The following FAF1 variants were observed in gnomAD, a reference collection of about 807,000 sequenced individuals.
The protein encoded by FAF1 is FAS-associated factor 1.
FAF1 carries 25 observed loss-of-function variants against 92.5 expected under a neutral mutation model. That is an observed-to-expected ratio of 0.27 (90% CI 0.20 to 0.38). The LOEUF (loss-of-function observed/expected upper bound fraction) is 0.38, where lower values mean the gene tolerates loss of function less well. Ranked by LOEUF, FAF1 falls within the 10% of genes least tolerant of loss-of-function variation. The probability of loss-of-function intolerance (pLI) is 1.00; values close to 1 mark genes in which losing one functional copy is unlikely to be tolerated. For missense variants in FAF1, 636 were observed against 793.3 expected (o/e 0.80, Z 2.38); for synonymous variants, 234 against 273.2 (o/e 0.86, Z 1.42).
At chr1:50,503,665 A>ATGG (rs1339992608) in intron 15 of FAF1, among the ~76,000 whole-genome samples, 2 of 152,016 alleles carry the variant, frequency 1.3e-5, no homozygotes, top group Non-Finnish European at 2.9e-5. Flanking sequence ...AAAAAGTAAC[A>ATGG]TGGTGGTATA....
intron 13 of FAF1, among the ~76,000 whole-genome samples, chr1:50,551,780 G>A (rs1418700278): frequency 2.0e-5 from 3 of 152,164 alleles, no homozygotes; most frequent in African/African-American, 7.2e-5. Context: ...TTTGTCATCA[G>A]GAAATTCAAT....
chr1:50,762,068 A>C (rs1030572641), intron 4 of FAF1, among the ~76,000 whole-genome samples: 1 of 152,216 alleles, frequency 6.6e-6, no homozygotes, highest in Non-Finnish European at 1.5e-5. Context: ...GAGCCAAATC[A>C]TGAGTGAACT....
At chr1:50,922,696 T>C (rs1644974522) in intron 1 of FAF1, among the ~76,000 whole-genome samples, 1 of 149,254 alleles carries the variant, frequency 6.7e-6, no homozygotes, top group Non-Finnish European at 1.5e-5. Flanking sequence ...TGCATACCTA[T>C]AATCCCAGCT....
intron 7 of FAF1, among the ~76,000 whole-genome samples, chr1:50,671,075 T>A: frequency 6.6e-6 from 1 of 152,172 alleles, no homozygotes. Flanking sequence ...GCTATATTTA[T>A]AATCATCAAA....
intron 6 of FAF1, among the ~76,000 whole-genome samples, chr1:50,713,088 A>AG (rs1221106492): frequency 1.4e-5 from 2 of 143,570 alleles, no homozygotes; most frequent in Non-Finnish European, 3.0e-5. Context: ...TGAGGATAGA[A>AG]GGGGGAGGTT....
At chr1:50,711,461 G>T (rs150030844) in intron 6 of FAF1, among the ~76,000 whole-genome samples, 1,594 of 133,554 alleles carry the variant, frequency 0.012, 26 homozygotes, top group African/African-American at 0.043. Flanking sequence ...TATCCACACT[G>T]ACTTTTTTTT....
At chr1:50,921,906 C>T (rs902541541) in intron 1 of FAF1, among the ~76,000 whole-genome samples, 1 of 152,182 alleles carries the variant, frequency 6.6e-6, no homozygotes, top group South Asian at 2.1e-4. Context: ...ATGGCTCACA[C>T]CTGTAATCCC....
At chr1:50,800,108 T>C (rs576992668) in intron 3 of FAF1, among the ~76,000 whole-genome samples, 1 of 152,170 alleles carries the variant, frequency 6.6e-6, no homozygotes, top group Non-Finnish European at 1.5e-5. Context: ...CCAAATATTA[T>C]AGTAACTTTA....
chr1:50,459,503 C>G (rs1306633621), intron 18 of FAF1, among the ~76,000 whole-genome samples: 1 of 152,180 alleles, frequency 6.6e-6, no homozygotes, highest in African/African-American at 2.4e-5. Flanking sequence ...GCTTATGGTA[C>G]TATACCATCT....
intron 17 of FAF1, among the ~76,000 whole-genome samples, chr1:50,486,449 T>C (rs1332646714): frequency 2.0e-5 from 3 of 152,150 alleles, no homozygotes; most frequent in African/African-American, 7.2e-5. Context: ...CAACCATCCA[T>C]CCATCTATTC....
intron 8 of FAF1, among the ~76,000 whole-genome samples, chr1:50,602,560 T>C (rs1652192182): frequency 6.7e-6 from 1 of 149,758 alleles, no homozygotes; most frequent in Non-Finnish European, 1.5e-5. Flanking sequence ...TGGAGTGCAG[T>C]GGTGTGATCT....
chr1:50,452,951 C>T (rs1192722232), intron 18 of FAF1, among the ~76,000 whole-genome samples: 1 of 152,218 alleles, frequency 6.6e-6, no homozygotes, highest in Non-Finnish European at 1.5e-5. Flanking sequence ...GGTCTATCTC[C>T]TTCACACTTC....
At chr1:50,811,243 A>G (rs1472464136) in intron 2 of FAF1, among the ~76,000 whole-genome samples, 1 of 151,984 alleles carries the variant, frequency 6.6e-6, no homozygotes, top group Non-Finnish European at 1.5e-5. Context: ...GGAGACTGAC[A>G]TGGGAAGATC....
chr1:50,748,712 T>A (rs1478187589), intron 4 of FAF1, among the ~76,000 whole-genome samples: 2 of 152,226 alleles, frequency 1.3e-5, no homozygotes, highest in Non-Finnish European at 2.9e-5. Flanking sequence ...TTCATATATC[T>A]GCTTATGTTA....
At chr1:50,785,689 G>C (rs546006485) in intron 4 of FAF1, among the ~76,000 whole-genome samples, 4 of 152,054 alleles carry the variant, frequency 2.6e-5, no homozygotes, top group Admixed American at 6.6e-5. Flanking sequence ...ACAAAGTTGG[G>C]GTTGGAATGT....
chr1:50,958,986 C>T (rs1645293936), intron 1 of FAF1, among the ~76,000 whole-genome samples: 1 of 152,212 alleles, frequency 6.6e-6, no homozygotes, highest in African/African-American at 2.4e-5. Context: ...TACAGTTCTA[C>T]TTTCAAAGGG....
chr1:50,885,324 A>ACACCCACACACACACACACTCT (rs1644651416), intron 1 of FAF1, among the ~76,000 whole-genome samples: 1 of 102,214 alleles, frequency 9.8e-6, no homozygotes, highest in African/African-American at 3.5e-5. Flanking sequence ...ACACACACAC[A>ACACCCACACACACACACACTCT]CTCTCTCTCT....
intron 18 of FAF1, among the ~76,000 whole-genome samples, chr1:50,459,699 C>T (rs1161639181): frequency 6.6e-6 from 1 of 152,156 alleles, no homozygotes; most frequent in African/African-American, 2.4e-5. Context: ...TTTTCTAGTG[C>T]AATAGTCATA....
intron 1 of FAF1, among the ~76,000 whole-genome samples, chr1:50,886,379 C>T (rs1644664337): frequency 6.6e-6 from 1 of 151,894 alleles, no homozygotes. Flanking sequence ...TTTTTTCCTT[C>T]AGCTTTTTAA....
Sources: allele counts gnomAD v4.1 joint callset (sites outside exome capture counted in the v4.1 genomes callset), GRCh38; gene constraint gnomAD v4.1.1; transcripts MANE v1.5; gene names NCBI Gene and HGNC (gene_info 2026-07-23, HGNC 2026-07-21).